NLRX1: variants seen among roughly 807,000 people sequenced by gnomAD.
NLRX1 encodes the protein NLR family member X1.
Under a neutral mutation model 74.2 loss-of-function variants are expected in NLRX1, and 67 were observed. The ratio of observed to expected loss-of-function variants is 0.90; its 90% CI spans 0.74 to 1.11. The LOEUF is 1.11. Ranked by LOEUF, NLRX1 falls within the 50% of genes least tolerant of loss-of-function variation. The pLI, the probability that NLRX1 is intolerant of heterozygous loss-of-function variation, is 0.00. For missense variants in NLRX1, 1,191 were observed against 1,305.4 expected (o/e 0.91, Z 1.35); for synonymous variants, 506 against 559.1 (o/e 0.91, Z 1.34).
intron 7 of NLRX1, among the ~76,000 whole-genome samples, chr11:119,180,489 G>A (rs923753810): frequency 6.6e-6 from 1 of 152,180 alleles, no homozygotes; most frequent in Admixed American, 6.5e-5. Flanking sequence ...CGTATCACCT[G>A]AGGTCAGGAG....
chr11:119,174,532 G>C lies in NLRX1; in HGVS notation c.929G>C (p.Cys310Ser). 1 of 1,614,158 alleles carries C rather than the reference G, an allele frequency of 6.2e-7. No individual in the cohort carries two copies. The highest frequency in any genetic ancestry group is 8.5e-7 in the Non-Finnish European group (1 of 1,180,040). ...SKYVGRYGEI[C>S]GFSDTNLQKL... ...TACGTGGGCCGCTATGGTGAGATCT[G>C]CGGTTTCTCTGATACCAACCTGCAG... is the stretch of plus-strand genomic sequence containing the variant. The change falls in exon 6 of 10, where the codon TGC (cysteine) becomes TCC (serine). Residue 310 changes from cysteine to serine, a missense_variant. Physicochemically the swap from Cys to Ser is moderately radical, Grantham distance 112. Coordinates refer to ENST00000409109, the MANE Select transcript of NLRX1 (RefSeq NM_001282144.2).
Position 119,179,615 on chromosome 11 carries a change from A to G in NLRX1, c.1672-78A>G, listed in dbSNP as rs566999396. 1.9e-4 allele frequency: 216 copies of G among 1,114,492 alleles called. No homozygotes were observed. The South Asian group carries it at 3.9e-3, about 20-fold the overall frequency. The allele number at this position is 1,114,492 out of a possible 1,614,324, so 69.0% of individuals were successfully genotyped here. A position where few individuals can be genotyped will look rare whatever the true frequency, so the allele number is the denominator to read the frequency against. On this transcript the variant is annotated intron_variant, in intron 6 of 9. Transcript: ENST00000409109. ...ATCACAGGGCTGGAGCAGTCATGGG[A>G]GTGTACCTTAAGCTGAACCTTGAAG... is the stretch of plus-strand genomic sequence containing the variant.
chr11:119,179,396 G>C (rs1592333160), intron 6 of NLRX1, among the ~76,000 whole-genome samples: 1 of 152,292 alleles, frequency 6.6e-6, no homozygotes, highest in East Asian at 1.9e-4. Context: ...GCACTTTGGG[G>C]GGCCTAAGCT....
Position 119,180,127 on chromosome 11 carries a change from C to A in NLRX1, c.2106C>A (p.Asn702Lys). Residue 702 changes from asparagine to lysine, a missense_variant, in exon 7 of 10, where the codon AAC becomes AAA. Transcript: ENST00000409109. ...TGCTCAGCTCCCTGCGTCAGCTCAA[C>A]CTGGCAGGTGTGCGCATGACACCAG... Reference protein sequence around the residue: ...AEVLSSLRQLNLAGVRMTPVK... With the variant: ...AEVLSSLRQLKLAGVRMTPVK... 1 of 1,613,284 alleles carries A rather than the reference C, an allele frequency of 6.2e-7. No individual in the cohort carries two copies. The highest frequency in any genetic ancestry group is 1.1e-5 in the South Asian group (1 of 91,088).
At position 119,173,557 on chromosome 11, in the gene NLRX1, C is replaced by T. The variant is rs143397941; in HGVS notation, c.308C>T (p.Thr103Ile). 4 of 1,614,040 alleles carry T rather than the reference C, an allele frequency of 2.5e-6. No homozygotes were observed. The highest frequency in any genetic ancestry group is 1.7e-6 in the Non-Finnish European group (2 of 1,180,046). ...AGGGAGGAGCGCCAGTTTGGCCCAA[C>T]CTTTGCCCTAGACACGGTCCACGTT... ...LPREERQFGPTFALDTVHVDP... is the reference protein window; with the variant it reads ...LPREERQFGPIFALDTVHVDP... The change falls in exon 5 of 10, where the codon ACC (threonine) becomes ATC (isoleucine). Residue 103 changes from threonine to isoleucine, a missense_variant. By Grantham distance (89) the Thr-to-Ile change is moderately conservative. Transcript: ENST00000409109. This position sits in a 1 kb window ranked among gnomAD's most constrained non-coding sequence, Gnocchi z 4.0.
At position 119,183,490 on chromosome 11, in the gene NLRX1, C is replaced by G. The variant is rs1347413790; in HGVS notation, c.*51C>G. 1.3e-6 allele frequency: 2 copies of G among 1,512,334 alleles called. No individual in the cohort carries two copies. The highest frequency in any genetic ancestry group is 3.8e-5 in the Admixed American group (2 of 52,556). 93.7% of individuals were successfully genotyped at this position (1,512,334 alleles called of 1,614,324 possible). A position where few individuals can be genotyped will look rare whatever the true frequency, so the allele number is the denominator to read the frequency against. ...TGTGACCACTGGCCCTAAACCTTTT[C>G]CCTCTGTGGCCTCCTGGCTTGCACT... On this transcript the variant is annotated 3_prime_UTR_variant, in exon 10 of 10. Coordinates refer to ENST00000409109, the MANE Select transcript of NLRX1 (RefSeq NM_001282144.2). The surrounding 1 kb of genome is among the most constrained non-coding windows in gnomAD (Gnocchi z 5.7).
intron 9 of NLRX1, 132 bp from the exon 10 acceptor site, chr11:119,182,986 C>T: frequency 4.1e-6 from 3 of 729,348 alleles, no homozygotes; most frequent in Non-Finnish European, 6.7e-6. Context: ...ACCTCTGGCT[C>T]ATTGCAGTTA....
Position 119,173,705 on chromosome 11 carries a change from G to T in NLRX1, c.456G>T (p.Pro152=). Residue 152 remains proline (P), a synonymous_variant, in exon 5 of 10, where the codon CCG becomes CCT. Transcript: ENST00000409109. This position sits in a 1 kb window ranked among gnomAD's most constrained non-coding sequence, Gnocchi z 4.0. Reference sequence around the variant, plus strand: ...TGGCCTTGTCTCAGCTCTTTAACCCGGATGCCTGTGGGCGCCGGGTGCAGA... The same window carrying T: ...TGGCCTTGTCTCAGCTCTTTAACCCTGATGCCTGTGGGCGCCGGGTGCAGA... ...PPLALSQLFN[P]DACGRRVQTV... is the part of the protein sequence containing the mutation. 1 of 1,613,950 alleles carries T rather than the reference G, an allele frequency of 6.2e-7. No individual in the cohort carries two copies. Among genetic ancestry groups the T allele is most frequent in the Non-Finnish European group, 8.5e-7 (1 of 1,179,982 alleles).
intron 1 of NLRX1, among the ~76,000 whole-genome samples, chr11:119,169,765 G>A (rs1948495436): frequency 6.6e-6 from 1 of 152,108 alleles, no homozygotes; most frequent in African/African-American, 2.4e-5. Context: ...CAAGGCGGGC[G>A]GATCACTTGA....
intron 7 of NLRX1, 32 bp from the exon 8 acceptor site, chr11:119,181,139 C>G: frequency 3.3e-6 from 5 of 1,535,254 alleles, no homozygotes; most frequent in Non-Finnish European, 4.5e-6. Context: ...TCCCTGGTCT[C>G]TCACCTCCCC....
At chr11:119,182,699 C>T (rs981945609) in intron 9 of NLRX1, among the ~76,000 whole-genome samples, 11 of 152,046 alleles carry the variant, frequency 7.2e-5, no homozygotes, top group Non-Finnish European at 1.6e-4. Context: ...CCAGTCTGGC[C>T]AACATGGTGA....
rs1175517282 is a variant in NLRX1, at chr11:119,174,860, G to A, written c.1257G>A (p.Leu419=). Residue 419 remains leucine (L), a synonymous_variant, in exon 6 of 10, where the codon TTG becomes TTA. Coordinates refer to ENST00000409109, the MANE Select transcript of NLRX1 (RefSeq NM_001282144.2). ...TGGACAGCACTGACCCCTCCAATTT[G>A]TCCCTGATGGCCTATGCAGCCCGAA... is the stretch of plus-strand genomic sequence containing the variant. ...ETLDSTDPSN[L]SLMAYAARTM... 4 of 1,614,064 alleles carry A rather than the reference G, an allele frequency of 2.5e-6. No homozygotes were observed. Among genetic ancestry groups the A allele is most frequent in the Non-Finnish European group, 3.4e-6 (4 of 1,180,048 alleles).
intron 6 of NLRX1, among the ~76,000 whole-genome samples, chr11:119,175,770 T>C (rs920142363): frequency 3.3e-5 from 5 of 152,110 alleles, no homozygotes; most frequent in Non-Finnish European, 5.9e-5. Context: ...GCATTGGTAA[T>C]TGGCTTAGGG....
upstream of NLRX1, chr11:119,168,455 GGGGAGGCGGAGA>G (rs1948455292): frequency 6.6e-6 from 1 of 152,342 alleles, no homozygotes. Flanking sequence ...AAGGTAGGCT[GGGGAGGCGGAGA>G]GGGACAGAGG....
In NLRX1 at chr11:119,183,947, T is replaced by C. The variant is rs749748645; in HGVS notation, c.*508T>C. On this transcript the variant is annotated 3_prime_UTR_variant, in exon 10 of 10. Coordinates refer to ENST00000409109, the MANE Select transcript of NLRX1 (RefSeq NM_001282144.2). This position sits in a 1 kb window ranked among gnomAD's most constrained non-coding sequence, Gnocchi z 5.7. ...TGCCCCCTTTGCCACAATGGTATGA[T>C]GGCTTGGTAGCCCCTCGAGGCAGAT... 1.3e-6 allele frequency: 1 copy of C among 777,924 alleles called. No homozygotes were observed. Among genetic ancestry groups the C allele is most frequent in the African/African-American group, 1.7e-5 (1 of 59,106 alleles). The allele number at this position is 777,924 out of a possible 1,614,324, so 48.2% of individuals were successfully genotyped here.
Position 119,183,301 on chromosome 11 carries a change from G to A in NLRX1, c.2790G>A (p.Gln930=), listed in dbSNP as rs1565836699. 7.4e-6 allele frequency: 12 copies of A among 1,614,228 alleles called. No individual in the cohort carries two copies. Among genetic ancestry groups the A allele is most frequent in the Non-Finnish European group, 9.3e-6 (11 of 1,180,046 alleles). Residue 930 remains glutamine (Q), a synonymous_variant, in exon 10 of 10, where the codon CAG becomes CAA. Coordinates refer to ENST00000409109, the MANE Select transcript of NLRX1 (RefSeq NM_001282144.2). The surrounding 1 kb of genome is among the most constrained non-coding windows in gnomAD (Gnocchi z 5.7). ...ATAGCTGGGATCGGGCCCGGGTTCA[G>A]CGACACCTTGAGCTCCTACTGCGGG... is the stretch of plus-strand genomic sequence containing the variant. ...NLNSWDRARV[Q]RHLELLLRDL...
At chr11:119,179,160 T>G (rs1358286783) in intron 6 of NLRX1, among the ~76,000 whole-genome samples, 1 of 152,176 alleles carries the variant, frequency 6.6e-6, no homozygotes, top group Non-Finnish European at 1.5e-5. Flanking sequence ...TGGTGATGTA[T>G]TTGTGATACC....
chr11:119,179,297 G>A (rs943454688), intron 6 of NLRX1, among the ~76,000 whole-genome samples: 1 of 152,196 alleles, frequency 6.6e-6, no homozygotes, highest in Non-Finnish European at 1.5e-5. Flanking sequence ...CATGAGACAG[G>A]TGTTGAGAGA....
chr11:119,179,379 A>G (rs1232075947), intron 6 of NLRX1, among the ~76,000 whole-genome samples: 2 of 152,182 alleles, frequency 1.3e-5, no homozygotes, highest in Non-Finnish European at 2.9e-5. Context: ...TTATGCCTAT[A>G]ATCCTAGCAC....
Sources: allele counts gnomAD v4.1 joint callset (sites outside exome capture counted in the v4.1 genomes callset), GRCh38; gene constraint gnomAD v4.1.1; non-coding constraint Gnocchi (gnomAD v3.1); transcripts MANE v1.5; gene names NCBI Gene and HGNC (gene_info 2026-07-23, HGNC 2026-07-21).